ASTN2: variants seen among roughly 807,000 people sequenced by gnomAD.
ASTN2 encodes astrotactin 2, also known as astrotactin-2.
ASTN2 carries 54 observed loss-of-function variants against 139.8 expected under a neutral mutation model. That is an observed-to-expected ratio of 0.39 (90% confidence interval 0.31 to 0.48). ASTN2 has a LOEUF of 0.48. Among genes scored for constraint, ASTN2 ranks in the 20% least tolerant of loss-of-function variants. The probability of loss-of-function intolerance (pLI) is 0.95; values close to 1 mark genes in which losing one functional copy is unlikely to be tolerated. For synonymous variants in ASTN2, 756 were observed against 719.5 expected, an observed-to-expected ratio of 1.05 and a Z score of -0.81; for missense variants, 1,565 against 1,725.1, an observed-to-expected ratio of 0.91 and a Z score of 1.64.
intron 16 of ASTN2, among the ~76,000 whole-genome samples, chr9:116,696,689 C>G (rs917059141): frequency 6.6e-6 from 1 of 151,984 alleles, no homozygotes; most frequent in African/African-American, 2.4e-5. Flanking sequence ...TATTATTTAC[C>G]TACATGTCTT....
intron 3 of ASTN2, among the ~76,000 whole-genome samples, chr9:117,212,322 G>A (rs1264224265): frequency 1.3e-5 from 2 of 151,586 alleles, no homozygotes; most frequent in Non-Finnish European, 2.9e-5. Flanking sequence ...AGAAAACAGG[G>A]GAAACACTTC....
chr9:116,482,958 CACAA>C (rs1849222539), intron 20 of ASTN2, among the ~76,000 whole-genome samples: 2 of 152,232 alleles, frequency 1.3e-5, no homozygotes, highest in Admixed American at 1.3e-4. Context: ...GGCAGCCTTC[CACAA>C]TTAGAGAAAG....
Position 117,040,034 on chromosome 9 carries a change from T to C in ASTN2, c.1277-69A>G, listed in dbSNP as rs144514139. The C allele has an allele frequency of 8.1e-5, 118 of 1,453,830 alleles. No individual in the cohort carries two copies. In the African/African-American group the frequency reaches 1.5e-3, roughly 19 times the overall value. The allele number at this position is 1,453,830 out of a possible 1,614,324, so 90.1% of individuals were successfully genotyped here. On this transcript the variant is annotated intron_variant, in intron 5 of 22. Coordinates refer to ENST00000313400, the MANE Select transcript of ASTN2 (RefSeq NM_001365068.1). Reference sequence around the variant, plus strand: ...GAGGAAATGGGATTGGCATCAAGTTTGGGAATTCTATTATTTTCCAGTTGG... The same window carrying C: ...GAGGAAATGGGATTGGCATCAAGTTCGGGAATTCTATTATTTTCCAGTTGG...
chr9:116,637,295 C>T (rs1857120705), intron 17 of ASTN2, among the ~76,000 whole-genome samples: 1 of 152,154 alleles, frequency 6.6e-6, no homozygotes, highest in Non-Finnish European at 1.5e-5. Flanking sequence ...GAAAGACTGT[C>T]ACTTAGAATT....
At chr9:117,132,483 G>A (rs1342802272) in intron 4 of ASTN2, among the ~76,000 whole-genome samples, 4 of 152,138 alleles carry the variant, frequency 2.6e-5, no homozygotes, top group African/African-American at 4.8e-5. Context: ...TGAGCCTTCC[G>A]CTAAGGCTGC....
chr9:117,316,365 G>A (rs1453224276), intron 1 of ASTN2, among the ~76,000 whole-genome samples: 3 of 152,092 alleles, frequency 2.0e-5, no homozygotes, highest in African/African-American at 7.2e-5. Context: ...TGAGCGGTGG[G>A]AGAGGGAGAG....
In ASTN2 at chr9:116,853,819, C is replaced by G. The variant is rs533261430; in HGVS notation, c.2040+9764G>C. Among the ~76,000 whole-genome samples, 28 of 152,248 alleles carry G rather than the reference C, an allele frequency of 1.8e-4. 1 individual carries two copies. The highest frequency in any genetic ancestry group is 1.7e-3 in the Admixed American group (26 of 15,302). The stretch of plus-strand genomic sequence containing the variant: ...TAATACAATTTGAAAACTGTCCTTA[C>G]AGACTTCTGGGAATCTCTTCTAAAG... On this transcript the variant is annotated intron_variant, in intron 11 of 22. Coordinates refer to ENST00000313400, the MANE Select transcript of ASTN2 (RefSeq NM_001365068.1).
At chr9:116,427,645 C>T (rs1253074168) in intron 22 of ASTN2, among the ~76,000 whole-genome samples, 1 of 152,234 alleles carries the variant, frequency 6.6e-6, no homozygotes, top group Non-Finnish European at 1.5e-5. Flanking sequence ...CTGTGTTAGG[C>T]ACCTGCATAG....
At chr9:116,799,985 C>T (rs1174123630) in intron 13 of ASTN2, among the ~76,000 whole-genome samples, 1 of 152,166 alleles carries the variant, frequency 6.6e-6, no homozygotes, top group African/African-American at 2.4e-5. Flanking sequence ...TTACCAAAGG[C>T]TTCATTCATG....
chr9:117,094,186 GGAGAGGAGA>G, intron 5 of ASTN2, among the ~76,000 whole-genome samples: 1 of 42,692 alleles, frequency 2.3e-5, no homozygotes, highest in Non-Finnish European at 5.4e-5. Context: ...GAGGGAGGGA[GGAGAGGAGA>G]GGAGAGGAGA....
chr9:117,397,770 T>G lies in ASTN2; in HGVS notation c.442+16727A>C, dbSNP rs559137533. 2.0e-5 allele frequency among the ~76,000 whole-genome samples: 3 copies of G among 152,338 alleles called. No individual in the cohort carries two copies. In the South Asian group the frequency reaches 6.2e-4, roughly 32 times the overall value. The stretch of plus-strand genomic sequence containing the variant: ...AAATGGCTTCAAAAACAAGGATTTC[T>G]AGGGCAAGGAATTAAAATGAAATGT... On this transcript the variant is annotated intron_variant, in intron 1 of 22. Coordinates refer to ENST00000313400, the MANE Select transcript of ASTN2 (RefSeq NM_001365068.1).
At chr9:117,063,029 T>C (rs968459657) in intron 5 of ASTN2, among the ~76,000 whole-genome samples, 2 of 152,192 alleles carry the variant, frequency 1.3e-5, no homozygotes, top group African/African-American at 4.8e-5. Flanking sequence ...AACCAACCTG[T>C]TGTATTCTCT....
intron 4 of ASTN2, among the ~76,000 whole-genome samples, chr9:117,098,231 C>T (rs1055354132): frequency 4.6e-5 from 7 of 152,082 alleles, no homozygotes; most frequent in South Asian, 2.1e-4. Context: ...CATCTCATTC[C>T]GAATTCATAC....
chr9:116,927,870 A>T (rs1475735892), intron 10 of ASTN2, among the ~76,000 whole-genome samples: 2 of 152,188 alleles, frequency 1.3e-5, no homozygotes, highest in African/African-American at 4.8e-5. Flanking sequence ...TTGCTGCATA[A>T]AACTGGTTGT....
At chr9:116,567,396 C>G (rs1853288921) in intron 19 of ASTN2, among the ~76,000 whole-genome samples, 2 of 152,290 alleles carry the variant, frequency 1.3e-5, no homozygotes, top group South Asian at 4.1e-4. Flanking sequence ...ACTGAGTGCT[C>G]TTCTCAGTTG....
chr9:116,890,255 C>G (rs1833730225), intron 10 of ASTN2, among the ~76,000 whole-genome samples: 1 of 152,170 alleles, frequency 6.6e-6, no homozygotes, highest in Non-Finnish European at 1.5e-5. Flanking sequence ...GGTTGACTGA[C>G]AAGTTCATTT....
At chr9:117,059,378 C>T (rs1369617955) in intron 5 of ASTN2, among the ~76,000 whole-genome samples, 1 of 152,052 alleles carries the variant, frequency 6.6e-6, no homozygotes, top group African/African-American at 2.4e-5. Context: ...CTTTGGGAGG[C>T]CAAGGTGGGC....
In ASTN2 at chr9:116,554,838, G is replaced by T. The variant is rs370525900; in HGVS notation, c.3355+63486C>A. On this transcript the variant is annotated intron_variant, in intron 19 of 22. Transcript: ENST00000313400. ...ATAAAAAAAGAAAGAAGAAAAGAAA[G>T]AAATGAGTCAATTTCAAGAAAAACA... 1.9e-4 allele frequency among the ~76,000 whole-genome samples: 29 copies of T among 152,228 alleles called. 2 individuals carry two copies. Among genetic ancestry groups the T allele is most frequent in the African/African-American group, 6.5e-4 (27 of 41,550 alleles).
intron 13 of ASTN2, among the ~76,000 whole-genome samples, chr9:116,793,731 TAC>T (rs1830614638): frequency 3.9e-5 from 6 of 152,216 alleles, no homozygotes; most frequent in Admixed American, 3.9e-4. Flanking sequence ...TAATTTGAAA[TAC>T]AGAGCCTCAG....
Sources: gnomAD v4.1 joint callset for allele counts (sites outside exome capture counted in the v4.1 genomes callset) on GRCh38, gnomAD v4.1.1 for gene constraint, MANE v1.5 for transcripts, NCBI Gene and HGNC (gene_info 2026-07-23, HGNC 2026-07-21) for gene names.